LPP: variants seen among roughly 807,000 people sequenced by gnomAD.
The protein encoded by LPP is LIM domain containing preferred translocation partner in lipoma.
In LPP, 38 loss-of-function variants were observed where a neutral mutation model predicts 60.4. That is an observed-to-expected ratio of 0.63 (90% CI 0.49 to 0.83). LPP has a LOEUF of 0.83. LPP is among the 40% of genes least tolerant of loss of function. The pLI is 0.00. For missense variants in LPP, 902 were observed against 783.6 expected, an observed-to-expected ratio of 1.15 and a Z score of -1.80; for synonymous variants, 328 against 290.8, an observed-to-expected ratio of 1.13 and a Z score of -1.30.
chr3:188,609,894 G>C lies in LPP; in HGVS notation c.1113+50G>C, dbSNP rs1244794557. 2 of 1,532,636 alleles carry C rather than the reference G, an allele frequency of 1.3e-6. No individual in the cohort carries two copies. The highest frequency in any genetic ancestry group is 1.3e-5 in the South Asian group (1 of 78,868). The allele number at this position is 1,532,636 out of a possible 1,614,324, so 94.9% of individuals were successfully genotyped here. A position where few individuals can be genotyped will look rare whatever the true frequency, so the allele number is the denominator to read the frequency against. On this transcript the variant is annotated intron_variant, in intron 7 of 11. Coordinates refer to ENST00000617246, the MANE Select transcript of LPP (RefSeq NM_001375462.1). This position sits in a 1 kb window ranked among gnomAD's most constrained non-coding sequence, Gnocchi z 6.9. The stretch of plus-strand genomic sequence containing the variant: ...GGAGAATACAGGGGTGCCTATCTTA[G>C]TCTGCCTTCCCCAGGAAGCGAAGCC...
intron 3 of LPP, among the ~76,000 whole-genome samples, chr3:188,355,757 A>G (rs992793319): frequency 4.5e-4 from 69 of 152,216 alleles, no homozygotes; most frequent in African/African-American, 1.6e-3. Flanking sequence ...ACGTTGTAGA[A>G]AAGTTTGATG....
At chr3:188,728,611 G>T (rs866246542) in intron 8 of LPP, among the ~76,000 whole-genome samples, 1 of 152,134 alleles carries the variant, frequency 6.6e-6, no homozygotes, top group Non-Finnish European at 1.5e-5. Flanking sequence ...TTTCATAGTA[G>T]ATTTGTGGGT....
chr3:188,339,555 C>A (rs1255019186), intron 2 of LPP, among the ~76,000 whole-genome samples: 3 of 152,148 alleles, frequency 2.0e-5, no homozygotes, highest in African/African-American at 7.2e-5. Flanking sequence ...GAGGAACAGG[C>A]ACCTTCTTCA....
At chr3:188,396,147 T>C (rs567627187) in intron 3 of LPP, among the ~76,000 whole-genome samples, 1 of 152,252 alleles carries the variant, frequency 6.6e-6, no homozygotes, top group East Asian at 1.9e-4. Flanking sequence ...TGAATCAACA[T>C]TGGTTCACAG....
At chr3:188,795,535 A>C (rs1745069843) in intron 9 of LPP, among the ~76,000 whole-genome samples, 1 of 152,226 alleles carries the variant, frequency 6.6e-6, no homozygotes, top group Non-Finnish European at 1.5e-5. Context: ...AGACTCATAA[A>C]TGTAAAACAG....
chr3:188,227,047 ATAAT>A (rs1368091172), intron 2 of LPP, among the ~76,000 whole-genome samples: 53 of 152,312 alleles, frequency 3.5e-4, no homozygotes, highest in African/African-American at 1.2e-3. Context: ...TTCAGTGTTT[ATAAT>A]TAAACTGTGA....
In LPP at chr3:188,426,040, C is replaced by T. The variant is rs113342827; in HGVS notation, c.193+19727C>T. On this transcript the variant is annotated intron_variant, in intron 4 of 11. Coordinates refer to ENST00000617246, the MANE Select transcript of LPP (RefSeq NM_001375462.1). ...GCTTCTCTAGTTCTTTTAATTGCAA[C>T]GTTAGGGTGTCGATTTGAGATCTTT... Among the ~76,000 whole-genome samples the T allele has an allele frequency of 7.4e-3, 1,124 of 151,980 alleles. 17 individuals carry two copies. The highest frequency in any genetic ancestry group is 0.025 in the African/African-American group (1,053 of 41,402).
At chr3:188,548,925 G>T (rs1827350343) in intron 6 of LPP, among the ~76,000 whole-genome samples, 1 of 152,146 alleles carries the variant, frequency 6.6e-6, no homozygotes, top group South Asian at 2.1e-4. Flanking sequence ...CATCTAGGTA[G>T]TAGGAATAGG....
intron 3 of LPP, among the ~76,000 whole-genome samples, chr3:188,354,785 G>A (rs1217015384): frequency 2.6e-5 from 4 of 151,762 alleles, no homozygotes; most frequent in Non-Finnish European, 4.4e-5. Context: ...ACGTCCCTGG[G>A]AACATTAATC....
At chr3:188,859,035 G>C (rs1407475055) in intron 9 of LPP, among the ~76,000 whole-genome samples, 1 of 147,584 alleles carries the variant, frequency 6.8e-6, no homozygotes, top group Non-Finnish European at 1.5e-5. Context: ...GTTGCAGTGA[G>C]CCGAGATCGC....
chr3:188,343,316 T>G (rs1436988309), intron 3 of LPP, among the ~76,000 whole-genome samples: 1 of 152,196 alleles, frequency 6.6e-6, no homozygotes, highest in African/African-American at 2.4e-5. Flanking sequence ...ACATTGTTTT[T>G]AAAAAAGGTA....
intron 5 of LPP, among the ~76,000 whole-genome samples, chr3:188,489,316 C>G (rs1227569608): frequency 6.6e-6 from 1 of 151,972 alleles, no homozygotes; most frequent in Non-Finnish European, 1.5e-5. Flanking sequence ...TAATCTAAGT[C>G]CTAGGTTAGT....
intron 3 of LPP, among the ~76,000 whole-genome samples, chr3:188,361,520 T>C (rs1160273971): frequency 1.7e-5 from 2 of 114,472 alleles, no homozygotes; most frequent in Non-Finnish European, 3.6e-5. Context: ...CCCTCTCCTC[T>C]CCTCTCCTCT....
rs1236429011 is a variant in LPP, at chr3:188,888,519, T to G, written c.*14040T>G. ...ACTCCGGCCTCTTTGCGAGACTGAC[T>G]CAAATCTGTGATCTTCTGTTCAGCA... On this transcript the variant is annotated 3_prime_UTR_variant, in exon 12 of 12. Transcript: ENST00000617246. 1 of 228,076 alleles carries G rather than the reference T, an allele frequency of 4.4e-6. No homozygotes were observed. The highest frequency in any genetic ancestry group is 6.3e-5 in the East Asian group (1 of 15,984). The allele number at this position is 228,076 out of a possible 1,614,324, so 14.1% of individuals were successfully genotyped here.
rs898133685 is a variant in LPP, at chr3:188,339,395, T to C, written c.-66-2268T>C. On this transcript the variant is annotated intron_variant, in intron 2 of 11. Transcript: ENST00000617246. ...TTCCTATTGCTTAAAATGAGACTGA[T>C]TGGTGAAGGATTTGTATTAGTCCAT... is the stretch of plus-strand genomic sequence containing the variant. Among the ~76,000 whole-genome samples, 9 of 152,202 alleles carry C rather than the reference T, an allele frequency of 5.9e-5. 1 individual carries two copies. The highest frequency in any genetic ancestry group is 4.6e-4 in the Admixed American group (7 of 15,268).
intron 6 of LPP, among the ~76,000 whole-genome samples, chr3:188,552,472 C>T (rs2011512665): frequency 2.0e-5 from 3 of 152,142 alleles, no homozygotes; most frequent in Admixed American, 6.6e-5. Context: ...TAACAAGATA[C>T]CACGAAATTG....
At chr3:188,748,687 G>A (rs1727090074) in intron 8 of LPP, among the ~76,000 whole-genome samples, 1 of 152,144 alleles carries the variant, frequency 6.6e-6, no homozygotes, top group African/African-American at 2.4e-5. Flanking sequence ...GGAGGCTGAG[G>A]CAGGAGAATC....
chr3:188,464,769 G>A (rs1799950595), intron 4 of LPP, among the ~76,000 whole-genome samples: 1 of 152,008 alleles, frequency 6.6e-6, no homozygotes, highest in Non-Finnish European at 1.5e-5. Context: ...TTAAGTATCA[G>A]AAAAATAAAG....
At chr3:188,322,130 T>C (rs1208529849) in intron 2 of LPP, among the ~76,000 whole-genome samples, 1 of 152,234 alleles carries the variant, frequency 6.6e-6, no homozygotes, top group African/African-American at 2.4e-5. Flanking sequence ...AAGGACTGGA[T>C]AATCTTATTT....
Sources: gnomAD v4.1 joint callset for allele counts (sites outside exome capture counted in the v4.1 genomes callset) on GRCh38, gnomAD v4.1.1 for gene constraint, Gnocchi (gnomAD v3.1) non-coding constraint, MANE v1.5 for transcripts, NCBI Gene and HGNC (gene_info 2026-07-23, HGNC 2026-07-21) for gene names.